Variants in DLGAP1 observed in about 807,000 individuals in gnomAD.
DLGAP1 encodes disks large-associated protein 1.
Under a neutral mutation model 90.8 loss-of-function variants are expected in DLGAP1, and 11 were observed. The observed-to-expected ratio is 0.12, with a 90% CI of 0.08 to 0.20. DLGAP1 has a LOEUF of 0.20. DLGAP1 is among the 10% of genes least tolerant of loss of function. DLGAP1 has a pLI of 1.00. For missense variants in DLGAP1, 1,050 were observed against 1,333.8 expected, an observed-to-expected ratio of 0.79 and a Z score of 3.31; for synonymous variants, 558 against 540.7, an observed-to-expected ratio of 1.03 and a Z score of -0.44.
At chr18:4,092,339 GC>G (rs2075784067) in intron 2 of DLGAP1, among the ~76,000 whole-genome samples, 1 of 152,080 alleles carries the variant, frequency 6.6e-6, no homozygotes, top group Admixed American at 6.6e-5. Context: ...CATTGTCCTG[GC>G]CCCCCAATAG....
At chr18:4,117,481 C>CT (rs1276966931) in intron 2 of DLGAP1, among the ~76,000 whole-genome samples, 2 of 152,170 alleles carry the variant, frequency 1.3e-5, no homozygotes, top group African/African-American at 4.8e-5. Flanking sequence ...GACTTAAACT[C>CT]TATTTCCCAC....
chr18:4,153,694 G>A (rs1300815382), intron 1 of DLGAP1, among the ~76,000 whole-genome samples: 1 of 152,146 alleles, frequency 6.6e-6, no homozygotes, highest in Non-Finnish European at 1.5e-5. Flanking sequence ...ACAGGAATTT[G>A]GACTTCAGCT....
At chr18:3,937,612 C>G (rs1007998148) in intron 3 of DLGAP1, among the ~76,000 whole-genome samples, 5 of 152,192 alleles carry the variant, frequency 3.3e-5, no homozygotes, top group Admixed American at 6.5e-5. Flanking sequence ...ATGTTCACCT[C>G]TCTGAGATGC....
intron 7 of DLGAP1, chr18:3,607,694 T>C (rs1260625499): frequency 6.6e-6 from 1 of 152,204 alleles, no homozygotes; most frequent in African/African-American, 2.4e-5. Flanking sequence ...TACCATCCTT[T>C]TGCATGCCTT....
chr18:4,373,845 CCTGT>C (rs1325829555), intron 1 of DLGAP1, among the ~76,000 whole-genome samples: 3 of 152,028 alleles, frequency 2.0e-5, no homozygotes, highest in Admixed American at 1.3e-4. Context: ...ACATATTTAT[CCTGT>C]CTAATAAATT....
At chr18:4,387,216 T>C (rs2082247411) in intron 1 of DLGAP1, among the ~76,000 whole-genome samples, 1 of 152,232 alleles carries the variant, frequency 6.6e-6, no homozygotes, top group Non-Finnish European at 1.5e-5. Context: ...GAGGCATTTA[T>C]TAAGCCTCTA....
chr18:4,093,103 C>T (rs1306349802), intron 2 of DLGAP1, among the ~76,000 whole-genome samples: 2 of 151,966 alleles, frequency 1.3e-5, no homozygotes, highest in African/African-American at 4.8e-5. Flanking sequence ...TTTCCTTAGC[C>T]TTGGTGGAAG....
intron 1 of DLGAP1, among the ~76,000 whole-genome samples, chr18:4,301,085 C>CA (rs2080114196): frequency 2.0e-5 from 3 of 151,956 alleles, no homozygotes; most frequent in Non-Finnish European, 4.4e-5. Flanking sequence ...TAAATCAGAC[C>CA]AATTAACATA....
chr18:4,197,596 T>A (rs1297187716), intron 1 of DLGAP1, among the ~76,000 whole-genome samples: 1 of 152,122 alleles, frequency 6.6e-6, no homozygotes, highest in Non-Finnish European at 1.5e-5. Flanking sequence ...AAGTTCCAAA[T>A]GCTTCTAGCC....
chr18:4,175,155 G>T (rs2077085847), intron 1 of DLGAP1, among the ~76,000 whole-genome samples: 1 of 152,152 alleles, frequency 6.6e-6, no homozygotes, highest in Non-Finnish European at 1.5e-5. Context: ...GTTTTGATTT[G>T]CATTTCTCTA....
rs374601125 is a variant in DLGAP1 at position 4,015,151 on chromosome 18, C to T, written c.-158-9950G>A. 1.3e-4 allele frequency among the ~76,000 whole-genome samples: 20 copies of T among 152,224 alleles called. No individual in the cohort carries two copies. In the South Asian group the frequency reaches 1.9e-3, roughly 14 times the overall value. The stretch of plus-strand genomic sequence containing the variant: ...GTGGATTGAAAGCTCTGAAGTCCCA[C>T]GCTGGAAAAACACTTAGAGAGACTT... On this transcript the variant is annotated intron_variant, in intron 2 of 12. Transcript: ENST00000315677.
chr18:3,847,768 T>C (rs1216767921), intron 4 of DLGAP1, among the ~76,000 whole-genome samples: 3 of 151,904 alleles, frequency 2.0e-5, no homozygotes, highest in African/African-American at 7.3e-5. Context: ...GGGTTCACAA[T>C]CAAGAAAGAA....
chr18:3,592,294 T>TGTGCACTTAACA (rs1330283276), intron 7 of DLGAP1, among the ~76,000 whole-genome samples: 1 of 152,236 alleles, frequency 6.6e-6, no homozygotes, highest in Non-Finnish European at 1.5e-5. Context: ...ACCCCATAGT[T>TGTGCACTTAACA]GTGCACTTAA....
At chr18:3,962,901 T>C (rs2073233279) in intron 3 of DLGAP1, among the ~76,000 whole-genome samples, 1 of 152,076 alleles carries the variant, frequency 6.6e-6, no homozygotes, top group Non-Finnish European at 1.5e-5. Context: ...CTCCTTGGGG[T>C]GAGTTAGTTC....
chr18:4,190,661 T>C (rs955755589), intron 1 of DLGAP1, among the ~76,000 whole-genome samples: 4 of 152,102 alleles, frequency 2.6e-5, no homozygotes, highest in African/African-American at 9.7e-5. Context: ...TCTATACAAC[T>C]TTTCTGTAAA....
intron 1 of DLGAP1, among the ~76,000 whole-genome samples, chr18:4,217,855 T>G (rs773675520): frequency 4.3e-4 from 66 of 152,096 alleles, no homozygotes; most frequent in Non-Finnish European, 8.7e-4. Flanking sequence ...AGTATGGAGA[T>G]CCCTCAATAA....
intron 7 of DLGAP1, chr18:3,597,007 C>T: frequency 1.9e-6 from 1 of 520,122 alleles, no homozygotes. Context: ...AGGCTCTCGG[C>T]AAAGGACCGT....
At chr18:4,187,237 C>G (rs1000807682) in intron 1 of DLGAP1, among the ~76,000 whole-genome samples, 2 of 152,002 alleles carry the variant, frequency 1.3e-5, no homozygotes, top group South Asian at 4.1e-4. Flanking sequence ...ATCTGGATGC[C>G]CTTTATTTCT....
chr18:3,550,875 A>G (rs1379415789), intron 9 of DLGAP1, among the ~76,000 whole-genome samples: 13 of 150,282 alleles, frequency 8.7e-5, no homozygotes, highest in African/African-American at 2.4e-4. Flanking sequence ...CCGAGTAGCT[A>G]GGATTACAGG....
Sources: gnomAD v4.1 joint callset for allele counts (sites outside exome capture counted in the v4.1 genomes callset) on GRCh38, gnomAD v4.1.1 for gene constraint, MANE v1.5 for transcripts, NCBI Gene and HGNC (gene_info 2026-07-23, HGNC 2026-07-21) for gene names.